Variants in ASPHD2 observed in about 807,000 individuals in gnomAD.
ASPHD2 encodes aspartate beta-hydroxylase domain containing 2, also known as aspartate beta-hydroxylase domain-containing protein 2.
Under a neutral mutation model 34.6 loss-of-function variants are expected in ASPHD2, and 12 were observed. The ratio of observed to expected loss-of-function variants is 0.35; its 90% CI spans 0.22 to 0.56. The LOEUF (loss-of-function observed/expected upper bound fraction) is 0.56. Among genes scored for constraint, ASPHD2 ranks in the 20% least tolerant of loss-of-function variants. The pLI, the probability that ASPHD2 is intolerant of heterozygous loss-of-function variation, is 0.87. For synonymous variants in ASPHD2, 224 were observed against 212.2 expected (o/e 1.06, Z -0.48); for missense variants, 375 against 505.0 (o/e 0.74, Z 2.47).
Position 26,437,035 on chromosome 22 carries a change from G to A in ASPHD2, c.886+2534G>A, listed in dbSNP as rs556067449. ...GTGGCTTGTTCTCCACGGCCAAGGC[G>A]AGCTCCCTGGTTGGGTTTTCTCAGC... On this transcript the variant is annotated intron_variant, in intron 2 of 3. Coordinates refer to ENST00000215906, the MANE Select transcript of ASPHD2 (RefSeq NM_020437.5). Among the ~76,000 whole-genome samples the A allele has an allele frequency of 3.3e-5, 5 of 152,286 alleles. No individual in the cohort carries two copies. The East Asian group carries it at 5.8e-4, about 18-fold the overall frequency.
chr22:26,433,504 G>T lies in ASPHD2; in HGVS notation c.-112G>T. The T allele has an allele frequency of 1.3e-6, 1 of 796,360 alleles. No homozygotes were observed. The allele number at this position is 796,360 out of a possible 1,614,324, so 49.3% of individuals were successfully genotyped here. A position where few individuals can be genotyped will look rare whatever the true frequency, so the allele number is the denominator to read the frequency against. ...GACTTTTGCCGGAAAGTGGAGCAGT[G>T]GGCACGGCCAACCTTGTCGTTCATC... On this transcript the variant is annotated 5_prime_UTR_variant, in exon 2 of 4. Transcript: ENST00000215906. This position sits in a 1 kb window ranked among gnomAD's most constrained non-coding sequence, Gnocchi z 5.1.
chr22:26,430,593 G>C (rs1324229959), intron 1 of ASPHD2, among the ~76,000 whole-genome samples: 1 of 152,228 alleles, frequency 6.6e-6, no homozygotes, highest in Non-Finnish European at 1.5e-5. Flanking sequence ...TGGGTAGATG[G>C]GGAGTTGTCA....
rs757287147 is a variant in ASPHD2, at chr22:26,434,064, G to A, written c.449G>A (p.Arg150His). 6 of 1,613,432 alleles carry A rather than the reference G, an allele frequency of 3.7e-6. No individual in the cohort carries two copies. Among genetic ancestry groups the A allele is most frequent in the Non-Finnish European group, 3.4e-6 (4 of 1,179,934 alleles). ...ATGGGCCGCATCCACAAGGGCATCC[G>A]CGAGCAGGGCCGGTACCTCAACAGC... Reference protein sequence around the residue: ...SGMGRIHKGIREQGRYLNSRP... With the variant: ...SGMGRIHKGIHEQGRYLNSRP... The change falls in exon 2 of 4, where the codon CGC (arginine) becomes CAC (histidine). Residue 150 changes from arginine (R) to histidine (H), a missense_variant. Physicochemically the swap from Arg to His is conservative, Grantham distance 29 (BLOSUM62 0). Around this residue, in one of 3 missense-constraint regions of ASPHD2, gnomAD observed 223 missense variants for 257.8 expected, o/e 0.87. Coordinates refer to ENST00000215906, the MANE Select transcript of ASPHD2 (RefSeq NM_020437.5).
intron 2 of ASPHD2, among the ~76,000 whole-genome samples, chr22:26,441,212 C>A (rs2084834069): frequency 6.6e-6 from 1 of 152,186 alleles, no homozygotes; most frequent in African/African-American, 2.4e-5. Flanking sequence ...AGCAGTGGCT[C>A]TTGCCTGTAA....
chr22:26,444,447 T>G lies in ASPHD2; in HGVS notation c.*1241T>G, dbSNP rs1442353173. 6.6e-6 allele frequency: 1 copy of G among 152,194 alleles called. No homozygotes were observed. Among genetic ancestry groups the G allele is most frequent in the Non-Finnish European group, 1.5e-5 (1 of 68,032 alleles). 9.4% of individuals were successfully genotyped at this position (152,194 alleles called of 1,614,324 possible). A position where few individuals can be genotyped will look rare whatever the true frequency, so the allele number is the denominator to read the frequency against. ...TTTCTGGTCTCCTGTGAAGAACATG[T>G]GGATCTCTTCCCGAAGGAAAAGGTC... On this transcript the variant is annotated 3_prime_UTR_variant, in exon 4 of 4. Coordinates refer to ENST00000215906, the MANE Select transcript of ASPHD2 (RefSeq NM_020437.5).
At chr22:26,432,993 T>C (rs574924520) in intron 1 of ASPHD2, among the ~76,000 whole-genome samples, 7 of 152,316 alleles carry the variant, frequency 4.6e-5, no homozygotes, top group African/African-American at 1.7e-4. Flanking sequence ...AGTATAAGCA[T>C]TGATTAAATA....
rs766891032 is a variant in ASPHD2, at chr22:26,443,876, T to G, written c.*670T>G. 2.0e-5 allele frequency: 3 copies of G among 152,244 alleles called. No homozygotes were observed. Among genetic ancestry groups the G allele is most frequent in the Non-Finnish European group, 2.9e-5 (2 of 68,078 alleles). The allele number at this position is 152,244 out of a possible 1,614,324, so 9.4% of individuals were successfully genotyped here. A position where few individuals can be genotyped will look rare whatever the true frequency, so the allele number is the denominator to read the frequency against. On this transcript the variant is annotated 3_prime_UTR_variant, in exon 4 of 4. Transcript: ENST00000215906. ...TGTCAGGTCCCTGATGGCAAAAGCA[T>G]TGGGCCAGTAGGACTGGAGGCTACT...
At chr22:26,440,898 C>T (rs966798787) in intron 2 of ASPHD2, among the ~76,000 whole-genome samples, 3 of 152,182 alleles carry the variant, frequency 2.0e-5, no homozygotes, top group African/African-American at 7.2e-5. Context: ...ACCCAACCTC[C>T]CTGGATTTCT....
At chr22:26,440,582 C>T (rs1239632361) in intron 2 of ASPHD2, among the ~76,000 whole-genome samples, 1 of 151,940 alleles carries the variant, frequency 6.6e-6, no homozygotes, top group East Asian at 1.9e-4. Flanking sequence ...GATCTGCCCA[C>T]CCCTCAGCCT....
At chr22:26,442,087 CAG>C (rs1378354726) in intron 2 of ASPHD2, among the ~76,000 whole-genome samples, 5 of 110,620 alleles carry the variant, frequency 4.5e-5, no homozygotes, top group African/African-American at 1.1e-4. Context: ...GCCTGGGCAA[CAG>C]AGAGAGACTC....
chr22:26,437,222 T>C (rs1204234825), intron 2 of ASPHD2, among the ~76,000 whole-genome samples: 3 of 152,220 alleles, frequency 2.0e-5, no homozygotes, highest in Non-Finnish European at 4.4e-5. Flanking sequence ...ACACCTCTGC[T>C]GGTTACCTGG....
chr22:26,433,808 G>A lies in ASPHD2; in HGVS notation c.193G>A (p.Ala65Thr). Reference protein sequence around the residue: ...DCDTTAVITVACLLVLFVWYC... With the variant: ...DCDTTAVITVTCLLVLFVWYC... Reference sequence around the variant, plus strand: ...CGACACCACCGCTGTCATCACTGTGGCCTGCCTCCTGGTCCTCTTCGTGTG... The same window carrying A: ...CGACACCACCGCTGTCATCACTGTGACCTGCCTCCTGGTCCTCTTCGTGTG... The change falls in exon 2 of 4, where the codon GCC (alanine) becomes ACC (threonine). Residue 65 changes from alanine to threonine, a missense_variant. Physicochemically the swap from Ala to Thr is moderately conservative, Grantham distance 58 (BLOSUM62 0). Around this residue, in one of 3 missense-constraint regions of ASPHD2, gnomAD observed 223 missense variants for 257.8 expected, o/e 0.87. Transcript: ENST00000215906. This position sits in a 1 kb window ranked among gnomAD's most constrained non-coding sequence, Gnocchi z 5.1. 1 of 1,613,950 alleles carries A rather than the reference G, an allele frequency of 6.2e-7. No individual in the cohort carries two copies. The highest frequency in any genetic ancestry group is 1.7e-5 in the Admixed American group (1 of 60,026).
chr22:26,441,922 C>CAAACAAAACA (rs60965264), intron 2 of ASPHD2, among the ~76,000 whole-genome samples: 6 of 149,782 alleles, frequency 4.0e-5, no homozygotes, highest in East Asian at 4.0e-4. Flanking sequence ...GACTCTGTCT[C>CAAACAAAACA]AAACAAAACA....
Position 26,443,196 on chromosome 22 carries a change from C to T in ASPHD2, c.1100C>T (p.Pro367Leu), listed in dbSNP as rs868194157. The stretch of plus-strand genomic sequence containing the variant: ...CAGGCTCTTGATTTCATCTTTGCTC[C>T]GGGACGATGAGAGTATTTCCCATGC... ...ERQALDFIFA[P>L]GR Residue 367 changes from proline (P) to leucine (L), a missense_variant, in exon 4 of 4, where the codon CCG becomes CTG. This residue lies in a region of ASPHD2 where 142 missense variants were observed against 217.9 expected (regional missense o/e 0.65). Transcript: ENST00000215906. The T allele has an allele frequency of 1.7e-5, 27 of 1,613,966 alleles. No homozygotes were observed. The highest frequency in any genetic ancestry group is 2.2e-5 in the East Asian group (1 of 44,880).
In ASPHD2 at chr22:26,429,975, TC is replaced by T. The variant is rs1412641696; in HGVS notation, c.-225+494del. Among the ~76,000 whole-genome samples the T allele has an allele frequency of 6.6e-6, 1 of 152,032 alleles. No homozygotes were observed. The highest frequency in any genetic ancestry group is 1.5e-5 in the Non-Finnish European group (1 of 68,014). The stretch of plus-strand genomic sequence containing the variant: ...CAACACTCACCTTTCCATCGTCCCA[TC>T]CCCCTCCTCCCCTGACCTCCTGGTG... On this transcript the variant is annotated intron_variant, in intron 1 of 3. Coordinates refer to ENST00000215906, the MANE Select transcript of ASPHD2 (RefSeq NM_020437.5). This position sits in a 1 kb window ranked among gnomAD's most constrained non-coding sequence, Gnocchi z 4.5.
At chr22:26,436,577 G>A (rs144684310) in intron 2 of ASPHD2, among the ~76,000 whole-genome samples, 3 of 152,318 alleles carry the variant, frequency 2.0e-5, no homozygotes, top group African/African-American at 7.2e-5. Flanking sequence ...AGGTTGGACA[G>A]GTCAGGTGGG....
chr22:26,442,119 A>T (rs1263113365), intron 2 of ASPHD2, among the ~76,000 whole-genome samples: 2 of 150,874 alleles, frequency 1.3e-5, no homozygotes, highest in Admixed American at 6.6e-5. Flanking sequence ...AAAAAAAAAA[A>T]AAAAAGGGAA....
At chr22:26,441,913 ACT>A (rs2084845665) in intron 2 of ASPHD2, among the ~76,000 whole-genome samples, 1 of 106,850 alleles carries the variant, frequency 9.4e-6, no homozygotes, top group African/African-American at 3.9e-5. Context: ...ACAGAGTGAG[ACT>A]CTGTCTCAAA....
At position 26,434,361 on chromosome 22, in the gene ASPHD2, G is replaced by A; in HGVS notation, c.746G>A (p.Arg249Gln). The A allele has an allele frequency of 6.2e-7, 1 of 1,614,212 alleles. No homozygotes were observed. Among genetic ancestry groups the A allele is most frequent in the Non-Finnish European group, 8.5e-7 (1 of 1,180,046 alleles). The change falls in exon 2 of 4, where the codon CGG becomes CAG. Residue 249 changes from arginine to glutamine, a missense_variant. By Grantham distance (43) the Arg-to-Gln change is conservative. Coordinates refer to ENST00000215906, the MANE Select transcript of ASPHD2 (RefSeq NM_020437.5). ...CCCAGGAACTGTAGGAAGTGCCCAC[G>A]GACGTACCGCTTGCTCGGAAGCCTT... ...CVPRNCRKCP[R>Q]TYRLLGSLRT...
Sources: gnomAD v4.1 joint callset for allele counts (sites outside exome capture counted in the v4.1 genomes callset) on GRCh38, gnomAD v4.1.1 for gene constraint, gnomAD v4.1.1 regional missense constraint, Gnocchi (gnomAD v3.1) non-coding constraint, MANE v1.5 for transcripts, NCBI Gene and HGNC (gene_info 2026-07-23, HGNC 2026-07-21) for gene names.